The following XKR4 variants were observed in gnomAD, a reference collection of about 807,000 sequenced individuals.
XKR4 encodes the protein XK-related protein 4.
In XKR4, 12 loss-of-function variants were observed where a neutral mutation model predicts 53.9. That is an observed-to-expected ratio of 0.22 (90% confidence interval 0.14 to 0.36). The LOEUF (loss-of-function observed/expected upper bound fraction) is 0.36. XKR4 is among the 10% of genes least tolerant of loss of function. XKR4 has a pLI of 1.00. For synonymous variants in XKR4, 354 were observed against 362.4 expected (o/e 0.98, Z 0.26); for missense variants, 799 against 859.5 (o/e 0.93, Z 0.88).
intron 1 of XKR4, among the ~76,000 whole-genome samples, chr8:55,176,046 C>A (rs1235510307): frequency 6.6e-6 from 1 of 152,122 alleles, no homozygotes; most frequent in African/African-American, 2.4e-5. Context: ...AGGCTGTCTT[C>A]TAAAGCTTGA....
intron 1 of XKR4, among the ~76,000 whole-genome samples, chr8:55,282,509 G>A (rs1818857108): frequency 6.6e-6 from 1 of 152,112 alleles, no homozygotes; most frequent in South Asian, 2.1e-4. Flanking sequence ...ATCACATGGT[G>A]CTAGATGGAG....
intron 1 of XKR4, chr8:55,139,987 C>T: frequency 8.5e-6 from 2 of 236,636 alleles, no homozygotes; most frequent in Non-Finnish European, 1.7e-5. Flanking sequence ...ATTGCTTTTC[C>T]ACTTTAATTA....
chr8:55,448,854 G>A (rs1319010890), intron 2 of XKR4, among the ~76,000 whole-genome samples: 1 of 152,138 alleles, frequency 6.6e-6, no homozygotes, highest in Non-Finnish European at 1.5e-5. Context: ...AGACAGCCAT[G>A]TATACAAATA....
intron 1 of XKR4, among the ~76,000 whole-genome samples, chr8:55,276,374 A>T (rs1818763507): frequency 6.6e-6 from 1 of 152,238 alleles, no homozygotes. Flanking sequence ...ACAAATGCAT[A>T]AGAAAGTTGA....
At chr8:55,343,319 G>T (rs990423) in intron 1 of XKR4, among the ~76,000 whole-genome samples, 2 of 152,058 alleles carry the variant, frequency 1.3e-5, no homozygotes, top group African/African-American at 4.8e-5. Context: ...AAAGCTTTTC[G>T]CCCTTTCCTG....
In XKR4 at chr8:55,286,485, G is replaced by T. The variant is rs537071610; in HGVS notation, c.807-71193G>T. On this transcript the variant is annotated intron_variant, in intron 1 of 2. Transcript: ENST00000327381. ...GGAGTACTGGGTGGGAGGGCTCAAT[G>T]TCTGGCTTCCTAGGGGATACGGGGG... Among the ~76,000 whole-genome samples, 4 of 152,266 alleles carry T rather than the reference G, an allele frequency of 2.6e-5. No individual in the cohort carries two copies. The South Asian group carries it at 6.2e-4, about 24-fold the overall frequency.
intron 1 of XKR4, among the ~76,000 whole-genome samples, chr8:55,350,450 A>G (rs569235755): frequency 6.6e-6 from 1 of 152,336 alleles, no homozygotes; most frequent in African/African-American, 2.4e-5. Flanking sequence ...AAATTCAGGC[A>G]TTTTAAAACT....
intron 1 of XKR4, among the ~76,000 whole-genome samples, chr8:55,290,877 T>C (rs1002724256): frequency 3.9e-5 from 6 of 152,130 alleles, no homozygotes; most frequent in Admixed American, 2.6e-4. Flanking sequence ...AGAGCAAAAG[T>C]TTTTAATTTT....
Position 55,357,662 on chromosome 8 carries a change from C to T in XKR4, c.807-16C>T. 6.2e-7 allele frequency: 1 copy of T among 1,613,426 alleles called. No individual in the cohort carries two copies. The highest frequency in any genetic ancestry group is 2.2e-5 in the East Asian group (1 of 44,884). On this transcript the variant is annotated splice_polypyrimidine_tract_variant and intron_variant, in intron 1 of 2. Transcript: ENST00000327381. ...CATCACTCATCTCTTTCTTATTCTC[C>T]ATGTTTTCTTTCTAGATATTTCCAC...
intron 1 of XKR4, among the ~76,000 whole-genome samples, chr8:55,188,328 G>A (rs1790661484): frequency 6.6e-6 from 1 of 152,078 alleles, no homozygotes; most frequent in African/African-American, 2.4e-5. Context: ...CCTTTATAAT[G>A]GTGGGAATTG....
intron 2 of XKR4, among the ~76,000 whole-genome samples, chr8:55,365,726 AAG>A (rs1563333607): frequency 6.6e-6 from 1 of 151,054 alleles, no homozygotes; most frequent in East Asian, 1.9e-4. Context: ...AAAAAAAAAA[AAG>A]GGATTTAGAT....
rs541755939 is a variant in XKR4, at chr8:55,495,622, C to G, written c.1007-27659C>G. On this transcript the variant is annotated intron_variant, in intron 2 of 2. Coordinates refer to ENST00000327381, the MANE Select transcript of XKR4 (RefSeq NM_052898.2). ...GATTTGAGGATTGTCTCCTTCCCCC[C>G]CAGGCCCTCCCCACAGTGGCGGTGG... 3.0e-4 allele frequency among the ~76,000 whole-genome samples: 46 copies of G among 152,356 alleles called. No homozygotes were observed. The East Asian group carries it at 6.7e-3, about 22-fold the overall frequency.
At chr8:55,395,645 T>G (rs1038612972) in intron 2 of XKR4, among the ~76,000 whole-genome samples, 5 of 152,092 alleles carry the variant, frequency 3.3e-5, no homozygotes, top group African/African-American at 9.7e-5. Flanking sequence ...CACCAGAATG[T>G]GTGGGACAAG....
At chr8:55,206,661 G>A (rs998270209) in intron 1 of XKR4, among the ~76,000 whole-genome samples, 1 of 152,026 alleles carries the variant, frequency 6.6e-6, no homozygotes, top group Non-Finnish European at 1.5e-5. Context: ...CACAAATATT[G>A]CCCCTGAAAA....
chr8:55,314,278 G>A (rs1819427543), intron 1 of XKR4, among the ~76,000 whole-genome samples: 1 of 152,192 alleles, frequency 6.6e-6, no homozygotes, highest in South Asian at 2.1e-4. Context: ...GGTCAGGGAT[G>A]TTGTTCCCTG....
chr8:55,392,491 C>CTAT (rs1804457327), intron 2 of XKR4, among the ~76,000 whole-genome samples: 1 of 152,156 alleles, frequency 6.6e-6, no homozygotes, highest in African/African-American at 2.4e-5. Context: ...ATTCGAGTTA[C>CTAT]TATTAAAAAT....
At chr8:55,501,616 A>G (rs1806438665) in intron 2 of XKR4, among the ~76,000 whole-genome samples, 1 of 152,180 alleles carries the variant, frequency 6.6e-6, no homozygotes, top group Admixed American at 6.5e-5. Context: ...TCATCCATGT[A>G]GCATGTGTCA....
At chr8:55,302,771 G>T (rs1819222897) in intron 1 of XKR4, among the ~76,000 whole-genome samples, 1 of 152,278 alleles carries the variant, frequency 6.6e-6, no homozygotes, top group South Asian at 2.1e-4. Flanking sequence ...GTGAATGGGA[G>T]TTCACTCATG....
intron 2 of XKR4, among the ~76,000 whole-genome samples, chr8:55,388,861 G>T (rs1001092668): frequency 6.6e-6 from 1 of 152,140 alleles, no homozygotes; most frequent in Non-Finnish European, 1.5e-5. Context: ...CGTAATTGAT[G>T]ATCTCTCCAC....
Sources: allele counts gnomAD v4.1 joint callset (sites outside exome capture counted in the v4.1 genomes callset), GRCh38; gene constraint gnomAD v4.1.1; transcripts MANE v1.5; gene names NCBI Gene and HGNC (gene_info 2026-07-23, HGNC 2026-07-21).